The following GREB1 variants were observed in gnomAD, a reference collection of about 807,000 sequenced individuals.
The protein encoded by GREB1 is growth regulating estrogen receptor binding 1, also known as protein GREB1.
Under a neutral mutation model 200.7 loss-of-function variants are expected in GREB1, and 106 were observed. The ratio of observed to expected loss-of-function variants is 0.53; its 90% confidence interval spans 0.45 to 0.62. GREB1 has a LOEUF of 0.62. Among genes scored for constraint, GREB1 ranks in the 20% least tolerant of loss-of-function variants. GREB1 has a pLI of 0.00. For missense variants in GREB1, 2,243 were observed against 2,556.8 expected, an observed-to-expected ratio of 0.88 and a Z score of 2.65; for synonymous variants, 1,132 against 1,092.4, an observed-to-expected ratio of 1.04 and a Z score of -0.72.
intron 17 of GREB1, among the ~76,000 whole-genome samples, chr2:11,604,826 A>G (rs541427909): frequency 1.6e-3 from 248 of 152,318 alleles, no homozygotes; most frequent in Non-Finnish European, 2.8e-3. Flanking sequence ...AGGTTAGAAC[A>G]TGGGGTTACT....
chr2:11,586,764 C>T (rs35544243), intron 9 of GREB1, among the ~76,000 whole-genome samples: 19,687 of 152,168 alleles, frequency 0.13, 1,330 homozygotes, highest in Middle Eastern at 0.16. Flanking sequence ...TTTCCTAAAA[C>T]ACAAAAACTG....
chr2:11,529,605 G>C (rs1405728631), upstream of GREB1, among the ~76,000 whole-genome samples: 2 of 152,196 alleles, frequency 1.3e-5, no homozygotes, highest in Non-Finnish European at 2.9e-5. Context: ...ACTTGTGTGT[G>C]TAACAGGAGA....
At chr2:11,523,853 C>T (rs1673784239) in intron 1 of GREB1, among the ~76,000 whole-genome samples, 1 of 152,186 alleles carries the variant, frequency 6.6e-6, no homozygotes, top group African/African-American at 2.4e-5. Context: ...CATCAGTTAC[C>T]ATGGTCTCTG....
chr2:11,483,003 G>A (rs1293783771), intron 1 of GREB1, among the ~76,000 whole-genome samples: 2 of 151,460 alleles, frequency 1.3e-5, no homozygotes, highest in Admixed American at 6.6e-5. Flanking sequence ...GCGGAGCGGG[G>A]GCGCGGGGCT....
intron 1 of GREB1, among the ~76,000 whole-genome samples, chr2:11,516,308 G>T (rs1448215080): frequency 6.9e-6 from 1 of 145,048 alleles, no homozygotes; most frequent in East Asian, 2.0e-4. Flanking sequence ...AGATTTTCCT[G>T]CAGGTGTGTG....
rs143384157 is a variant in GREB1 at position 11,586,247 on chromosome 2, G to A, written c.1159+342G>A. 8.6e-3 allele frequency among the ~76,000 whole-genome samples: 1,315 copies of A among 152,276 alleles called. 19 individuals carry two copies. The highest frequency in any genetic ancestry group is 0.03 in the African/African-American group (1,246 of 41,544). On this transcript the variant is annotated intron_variant, in intron 9 of 32. Coordinates refer to ENST00000381486, the MANE Select transcript of GREB1 (RefSeq NM_014668.4). Reference sequence around the variant, plus strand: ...GGTCCCAGACCCGGTGCTGAGTGCCGAAGATTAGGAAAAAACAAATCACTC... The same window carrying A: ...GGTCCCAGACCCGGTGCTGAGTGCCAAAGATTAGGAAAAAACAAATCACTC...
chr2:11,560,026 G>A (rs1305343608), intron 2 of GREB1, among the ~76,000 whole-genome samples: 2 of 152,188 alleles, frequency 1.3e-5, no homozygotes, highest in African/African-American at 4.8e-5. Flanking sequence ...TCGCCATTGT[G>A]AGGCCATGTT....
At position 11,548,041 on chromosome 2, in the gene GREB1, G is replaced by A. The variant is rs1477689248; in HGVS notation, c.-161-8413G>A. ...TTACCAAAAAAAGCTATCTGGGCAT[G>A]GTGGCATGTTCCTATAGTCCTAGCT... On this transcript the variant is annotated intron_variant, in intron 1 of 32. Transcript: ENST00000381486. The surrounding 1 kb of genome is among the most constrained non-coding windows in gnomAD (Gnocchi z 5.1). 6.6e-6 allele frequency among the ~76,000 whole-genome samples: 1 copy of A among 152,060 alleles called. No homozygotes were observed. Among genetic ancestry groups the A allele is most frequent in the African/African-American group, 2.4e-5 (1 of 41,408 alleles).
At chr2:11,607,559 T>C (rs935383731) in intron 17 of GREB1, among the ~76,000 whole-genome samples, 10 of 136,674 alleles carry the variant, frequency 7.3e-5, no homozygotes, top group East Asian at 2.0e-4. Flanking sequence ...TACATACATA[T>C]ATATACGCAT....
chr2:11,562,535 A>T lies in GREB1; in HGVS notation c.230A>T (p.Asn77Ile). The T allele has an allele frequency of 6.2e-7, 1 of 1,603,968 alleles. No homozygotes were observed. The change falls in exon 3 of 33, where the codon AAC (asparagine) becomes ATC (isoleucine). Residue 77 changes from asparagine (N) to isoleucine (I), a missense_variant. This residue lies in a region of GREB1 where 1,178 missense variants were observed against 1,387.4 expected (regional missense o/e 0.85). Transcript: ENST00000381486. ...EGGLETNGPP[N>I]PFQLHPLPEG... ...GGGCTGGAAACAAATGGCCCCCCAA[A>T]CCCTTTCCAGCTGCACCCTCTGCCT...
At chr2:11,582,464 G>A (rs58833636) in intron 7 of GREB1, among the ~76,000 whole-genome samples, 5,718 of 152,242 alleles carry the variant, frequency 0.038, 349 homozygotes, top group African/African-American at 0.13. Context: ...CTGTGCCTGC[G>A]TCCCGGCTCT....
At chr2:11,596,455 GGGGGCACAGGTATGCACAGTGAGGGGGT>G (rs1253759995) in intron 13 of GREB1, among the ~76,000 whole-genome samples, 3 of 43,208 alleles carry the variant, frequency 6.9e-5, no homozygotes, top group Admixed American at 2.2e-4. Context: ...TGAGGGGGGT[GGGGGCACAGGTATGCACAGTGAGGGGGT>G]GGGGCACAGG....
chr2:11,501,897 T>TTG (rs1673051633), intron 1 of GREB1, among the ~76,000 whole-genome samples: 1 of 43,958 alleles, frequency 2.3e-5, no homozygotes, highest in African/African-American at 1.0e-4. Flanking sequence ...GATTTCCTGT[T>TTG]TTTTTTTGTT....
intron 1 of GREB1, chr2:11,542,559 A>C (rs1372999011): frequency 1.6e-5 from 2 of 127,422 alleles, no homozygotes; most frequent in Non-Finnish European, 3.2e-5. Context: ...ACACTGACAC[A>C]CTCCCTGTGG....
At chr2:11,554,734 T>G (rs771609397) in intron 1 of GREB1, among the ~76,000 whole-genome samples, 3 of 152,234 alleles carry the variant, frequency 2.0e-5, no homozygotes, top group Non-Finnish European at 4.4e-5. Flanking sequence ...ATAATCTGAT[T>G]GATTTCCTTT....
intron 9 of GREB1, chr2:11,587,581 G>C (rs1680249655): frequency 1.1e-5 from 16 of 1,494,532 alleles, no homozygotes; most frequent in Non-Finnish European, 1.4e-5. Context: ...CGTGACCTGT[G>C]CCCCAGGCAC....
intron 1 of GREB1, among the ~76,000 whole-genome samples, chr2:11,498,147 G>A (rs1180960654): frequency 2.0e-5 from 3 of 151,522 alleles, no homozygotes; most frequent in Non-Finnish European, 2.9e-5. Context: ...TTATTTTATG[G>A]ATTGTACTTT....
At chr2:11,608,037 AT>A (rs1682565478) in intron 17 of GREB1, among the ~76,000 whole-genome samples, 1 of 152,168 alleles carries the variant, frequency 6.6e-6, no homozygotes, top group Non-Finnish European at 1.5e-5. Context: ...CGGTCTCTAG[AT>A]TCCAGAGGGG....
At chr2:11,543,882 G>C (rs186750919) in intron 1 of GREB1, among the ~76,000 whole-genome samples, 443 of 152,226 alleles carry the variant, frequency 2.9e-3, no homozygotes, top group African/African-American at 9.9e-3. Flanking sequence ...GGGTATTGAC[G>C]CCCGTCTGTG....
Sources: allele counts gnomAD v4.1 joint callset (sites outside exome capture counted in the v4.1 genomes callset), GRCh38; gene constraint gnomAD v4.1.1; regional missense constraint gnomAD v4.1.1; non-coding constraint Gnocchi (gnomAD v3.1); transcripts MANE v1.5; gene names NCBI Gene and HGNC (gene_info 2026-07-23, HGNC 2026-07-21).